B4GALT4: variants seen among roughly 807,000 people sequenced by gnomAD.
The protein encoded by B4GALT4 is beta-1,4-galactosyltransferase 4.
Under a neutral mutation model 37.3 loss-of-function variants are expected in B4GALT4, and 27 were observed. The observed-to-expected ratio is 0.72, with a 90% confidence interval of 0.53 to 1.00. The LOEUF (loss-of-function observed/expected upper bound fraction) is 1.00, where lower values mean the gene tolerates loss of function less well. B4GALT4 is among the 50% of genes least tolerant of loss of function. The pLI is 0.00. For synonymous variants in B4GALT4, 148 were observed against 154.1 expected (o/e 0.96, Z 0.29); for missense variants, 372 against 413.1 (o/e 0.90, Z 0.86).
chr3:119,213,681 C>G (rs538591030), intron 7 of B4GALT4: 1 of 152,224 alleles, frequency 6.6e-6, no homozygotes, highest in African/African-American at 2.4e-5. Flanking sequence ...TAGGGAGGAC[C>G]ACACAGGTCA....
chr3:119,228,838 G>A (rs1331360537), intron 3 of B4GALT4, among the ~76,000 whole-genome samples: 1 of 137,150 alleles, frequency 7.3e-6, no homozygotes, highest in Non-Finnish European at 1.6e-5. Context: ...AAAAGAGCAA[G>A]AGGCATGAGA....
chr3:119,222,429 C>T (rs1576903428), intron 5 of B4GALT4, among the ~76,000 whole-genome samples: 2 of 61,838 alleles, frequency 3.2e-5, no homozygotes, highest in African/African-American at 8.5e-5. Context: ...GGATCCACAG[C>T]CCCCGCCCTA....
At chr3:119,215,162 G>C (rs1046791816) in intron 7 of B4GALT4, 3 of 151,962 alleles carry the variant, frequency 2.0e-5, no homozygotes, top group African/African-American at 7.3e-5. Context: ...ATTAACATTT[G>C]AGTCAGTGGA....
At position 119,212,532 on chromosome 3, in the gene B4GALT4, C is replaced by G. The variant is rs773554968; in HGVS notation, c.*17G>C. 1.3e-5 allele frequency: 21 copies of G among 1,565,942 alleles called. No homozygotes were observed. Among genetic ancestry groups the G allele is most frequent in the Non-Finnish European group, 1.8e-5 (21 of 1,160,120 alleles). ...ACAAAGAATCAGTTCTTCCAAACAT[C>G]ACCAAAAGACCCAGGGTCATGCACC... On this transcript the variant is annotated 3_prime_UTR_variant, in exon 8 of 8. Coordinates refer to ENST00000393765, the MANE Select transcript of B4GALT4 (RefSeq NM_003778.4).
chr3:119,239,117 G>A (rs1454007280), intron 1 of B4GALT4, among the ~76,000 whole-genome samples: 3 of 152,136 alleles, frequency 2.0e-5, no homozygotes, highest in African/African-American at 7.2e-5. Context: ...CTTGGGGTCA[G>A]GAGTTCCAGA....
At chr3:119,239,325 CAA>C (rs10684280) in intron 1 of B4GALT4, among the ~76,000 whole-genome samples, 6 of 121,024 alleles carry the variant, frequency 5.0e-5, no homozygotes, top group Admixed American at 1.7e-4. Flanking sequence ...GATTCCATCT[CAA>C]AAAAAAAAAA....
intron 2 of B4GALT4, among the ~76,000 whole-genome samples, chr3:119,236,406 A>T (rs181842703): frequency 1.1e-3 from 164 of 152,274 alleles, no homozygotes; most frequent in African/African-American, 3.8e-3. Context: ...TGGTTATGTA[A>T]GGGGTTAATA....
In B4GALT4 at chr3:119,212,878, G is replaced by A. The variant is rs923880879; in HGVS notation, c.903-197C>T. On this transcript the variant is annotated intron_variant, in intron 7 of 7. Transcript: ENST00000393765. ...TGTATTCATGTGTCAGACTCCACGT[G>A]AGAACCCGGGGACCCATGATGAAAA... 2.0e-4 allele frequency: 108 copies of A among 534,152 alleles called. 2 individuals carry two copies. The Admixed American group carries it at 2.1e-3, about 10-fold the overall frequency. 33.1% of individuals were successfully genotyped at this position (534,152 alleles called of 1,614,324 possible). A position where few individuals can be genotyped will look rare whatever the true frequency, so the allele number is the denominator to read the frequency against.
rs1452254005 is a variant in B4GALT4 at position 119,226,842 on chromosome 3, C to T, written c.453G>A (p.Gln151=). 6.2e-7 allele frequency: 1 copy of T among 1,614,104 alleles called. No individual in the cohort carries two copies. The highest frequency in any genetic ancestry group is 8.5e-7 in the Non-Finnish European group (1 of 1,180,018). ...LEHLHPFLQR[Q]QLDYGIYVIH... is the part of the protein sequence containing the mutation. ...TGACGTAGATGCCATAATCCAGCTG[C>T]TGCCTCTGCAGGAAGGGATGCAGAT... The change falls in exon 4 of 8, where the codon CAG becomes CAA. Residue 151 remains glutamine, a synonymous_variant. Transcript: ENST00000393765.
intron 7 of B4GALT4, 147 bp from the exon 8 acceptor site, chr3:119,212,828 T>C (rs2078197070): frequency 4.1e-6 from 3 of 738,508 alleles, no homozygotes; most frequent in Non-Finnish European, 4.2e-6. Flanking sequence ...GTTTGCCCCA[T>C]TGAAGGTGAC....
At chr3:119,240,463 G>C (rs988980744) in intron 1 of B4GALT4, 1 of 152,382 alleles carries the variant, frequency 6.6e-6, no homozygotes, top group Non-Finnish European at 1.5e-5. Context: ...GGGTTTCCAG[G>C]AAGAAGGGGC....
At chr3:119,221,390 C>G (rs1044438932) in intron 5 of B4GALT4, among the ~76,000 whole-genome samples, 2 of 152,228 alleles carry the variant, frequency 1.3e-5, no homozygotes, top group Non-Finnish European at 2.9e-5. Flanking sequence ...TGCGCTTGTA[C>G]TTGTGGGGCT....
At position 119,217,390 on chromosome 3, in the gene B4GALT4, G is replaced by A. The variant is rs542538448; in HGVS notation, c.798-1046C>T. ...TACGGCCATTTCTGTAGAGCCCCTGGTCAGGGGAATCCACTCCCTCCTGCT... is the reference window on the plus strand; with the variant it reads ...TACGGCCATTTCTGTAGAGCCCCTGATCAGGGGAATCCACTCCCTCCTGCT... On this transcript the variant is annotated intron_variant, in intron 6 of 7. Transcript: ENST00000393765. Among the ~76,000 whole-genome samples the A allele has an allele frequency of 1.4e-4, 22 of 152,326 alleles. 1 individual carries two copies. Among genetic ancestry groups the A allele is most frequent in the African/African-American group, 5.3e-4 (22 of 41,568 alleles).
intron 2 of B4GALT4, among the ~76,000 whole-genome samples, chr3:119,236,562 CATT>C (rs1436684218): frequency 6.6e-6 from 1 of 152,146 alleles, no homozygotes; most frequent in Non-Finnish European, 1.5e-5. Context: ...CAAGGAGAAT[CATT>C]GTTTTTGTAT....
At chr3:119,231,984 G>C (rs2078839677) in intron 2 of B4GALT4, among the ~76,000 whole-genome samples, 1 of 151,728 alleles carries the variant, frequency 6.6e-6, no homozygotes, top group Admixed American at 6.6e-5. Flanking sequence ...GGTGAATAGA[G>C]AGGCAGTAAG....
At chr3:119,213,713 A>T (rs1431072801) in intron 7 of B4GALT4, 4 of 152,244 alleles carry the variant, frequency 2.6e-5, no homozygotes, top group African/African-American at 9.6e-5. Flanking sequence ...TGGGGGTAGG[A>T]GATATCAGCA....
chr3:119,237,902 T>A (rs1330331194), intron 1 of B4GALT4, among the ~76,000 whole-genome samples: 19 of 152,274 alleles, frequency 1.2e-4, no homozygotes, highest in Non-Finnish European at 2.6e-4. Flanking sequence ...TATGCTTTCA[T>A]TAAAATGTTT....
intron 6 of B4GALT4, among the ~76,000 whole-genome samples, chr3:119,218,276 G>C (rs912945643): frequency 6.6e-6 from 1 of 152,182 alleles, no homozygotes; most frequent in Non-Finnish European, 1.5e-5. Flanking sequence ...GGGACACTGG[G>C]AACTGTGTCC....
At chr3:119,224,419 T>G (rs1240682239) in intron 4 of B4GALT4, among the ~76,000 whole-genome samples, 174 bp from the exon 5 acceptor site, 1 of 152,216 alleles carries the variant, frequency 6.6e-6, no homozygotes, top group African/African-American at 2.4e-5. Context: ...ACCATTTGAT[T>G]TTTTTCTTCG....
Sources: allele counts gnomAD v4.1 joint callset (sites outside exome capture counted in the v4.1 genomes callset), GRCh38; gene constraint gnomAD v4.1.1; transcripts MANE v1.5; gene names NCBI Gene and HGNC (gene_info 2026-07-23, HGNC 2026-07-21).